PALS2: variants seen among roughly 807,000 people sequenced by gnomAD.
The protein encoded by PALS2 is protein associated with LIN7 2, MAGUK p55 family member, also known as protein PALS2.
Under a neutral mutation model 61.6 loss-of-function variants are expected in PALS2, and 27 were observed. The observed-to-expected ratio is 0.44, with a 90% CI of 0.32 to 0.60. PALS2 has a LOEUF of 0.60. Ranked by LOEUF, PALS2 falls within the 20% of genes least tolerant of loss-of-function variation. The pLI is 0.05. For missense variants in PALS2, 554 were observed against 639.4 expected (o/e 0.87, Z 1.44); for synonymous variants, 236 against 218.6 (o/e 1.08, Z -0.70).
At position 24,691,405 on chromosome 7, in the gene PALS2, G is replaced by GTGTGTGTGTATGTATATA. The variant is rs1274329385; in HGVS notation, c.*3792_*3793insGTGTGTGTATGTATATAT. ...ATATTATGTATGTGTGTGTGTGTGTGTATATATATATATATATATATATAT... is the reference window on the plus strand; with the variant it reads ...ATATTATGTATGTGTGTGTGTGTGTGTGTGTGTGTATGTATATATATATATATATATATATATATATAT... On this transcript the variant is annotated 3_prime_UTR_variant, in exon 12 of 12. Coordinates refer to ENST00000222644, the MANE Select transcript of PALS2 (RefSeq NM_001303037.2). 1 of 110,596 alleles carries GTGTGTGTGTATGTATATA rather than the reference G, an allele frequency of 9.0e-6. No homozygotes were observed. The highest frequency in any genetic ancestry group is 3.1e-5 in the African/African-American group (1 of 32,340). The allele number at this position is 110,596 out of a possible 1,614,324, so 6.9% of individuals were successfully genotyped here.
chr7:24,647,926 G>A (rs1218678371), intron 3 of PALS2, among the ~76,000 whole-genome samples: 1 of 152,158 alleles, frequency 6.6e-6, no homozygotes, highest in Non-Finnish European at 1.5e-5. Context: ...ACTAGAGATA[G>A]AAATTTAAGA....
At chr7:24,586,825 G>T (rs1028910540) in intron 1 of PALS2, among the ~76,000 whole-genome samples, 1 of 152,130 alleles carries the variant, frequency 6.6e-6, no homozygotes, top group Non-Finnish European at 1.5e-5. Flanking sequence ...GACAGTGGTG[G>T]CAGAGGGAAG....
chr7:24,670,323 A>G (rs759455429), intron 9 of PALS2, among the ~76,000 whole-genome samples: 4 of 151,070 alleles, frequency 2.6e-5, no homozygotes, highest in African/African-American at 9.7e-5. Flanking sequence ...TTGTTTATCC[A>G]GTAAGTCAGG....
At position 24,621,859 on chromosome 7, in the gene PALS2, T is replaced by C. The variant is rs549649810; in HGVS notation, c.-2-1807T>C. On this transcript the variant is annotated intron_variant, in intron 1 of 11. Transcript: ENST00000222644. Reference sequence around the variant, plus strand: ...AAAACTAATAAAATTAAGATTATAATATTGAGTGAGGGGAGGGGTCTAGCG... The same window carrying C: ...AAAACTAATAAAATTAAGATTATAACATTGAGTGAGGGGAGGGGTCTAGCG... 2.0e-5 allele frequency among the ~76,000 whole-genome samples: 3 copies of C among 152,146 alleles called. No individual in the cohort carries two copies. In the South Asian group the frequency reaches 6.2e-4, roughly 32 times the overall value.
chr7:24,605,292 G>A (rs1783857126), intron 1 of PALS2, among the ~76,000 whole-genome samples: 1 of 152,082 alleles, frequency 6.6e-6, no homozygotes, highest in South Asian at 2.1e-4. Context: ...ATTTCTTGAA[G>A]ACATGGGAAA....
chr7:24,630,348 G>A (rs1214771828), intron 2 of PALS2, among the ~76,000 whole-genome samples: 1 of 152,118 alleles, frequency 6.6e-6, no homozygotes, highest in Admixed American at 6.6e-5. Context: ...GGAGGCAAGG[G>A]GAGGGGGGAT....
intron 3 of PALS2, 28 bp from the exon 4 acceptor site, chr7:24,649,584 A>G (rs1219852711): frequency 5.3e-6 from 8 of 1,508,418 alleles, no homozygotes; most frequent in Non-Finnish European, 7.1e-6. Context: ...TATCATAAAT[A>G]ACCACAGGCT....
chr7:24,650,566 C>T lies in PALS2; in HGVS notation c.505C>T (p.Leu169Phe), dbSNP rs756280778. The T allele has an allele frequency of 1.2e-6, 2 of 1,613,282 alleles. No individual in the cohort carries two copies. Among genetic ancestry groups the T allele is most frequent in the Admixed American group, 1.7e-5 (1 of 59,976 alleles). ...HGGMIDRQGL[L>F]HVGDIIKEVN... The stretch of plus-strand genomic sequence containing the variant: ...GGGAATGATAGATCGACAAGGTCTA[C>T]TTCATGTGGGAGATATAATTAAAGA... The change falls in exon 5 of 12, where the codon CTT (leucine) becomes TTT (phenylalanine). Residue 169 changes from leucine to phenylalanine, a missense_variant. Coordinates refer to ENST00000222644, the MANE Select transcript of PALS2 (RefSeq NM_001303037.2).
At position 24,693,025 on chromosome 7, in the gene PALS2, G is replaced by C. The variant is rs1176638238; in HGVS notation, c.*5411G>C. The stretch of plus-strand genomic sequence containing the variant: ...GATAATGCAATGGTGTGATAAATTT[G>C]ACTTATCTCCACATACAAAAGTCGA... On this transcript the variant is annotated 3_prime_UTR_variant, in exon 12 of 12. Transcript: ENST00000222644. The C allele has an allele frequency of 6.6e-6, 1 of 152,126 alleles. No individual in the cohort carries two copies. The allele number at this position is 152,126 out of a possible 1,614,324, so 9.4% of individuals were successfully genotyped here.
intron 1 of PALS2, among the ~76,000 whole-genome samples, chr7:24,583,118 CCTG>C (rs1437567814): frequency 1.3e-5 from 2 of 152,068 alleles, no homozygotes; most frequent in African/African-American, 4.8e-5. Flanking sequence ...GTCCTGAACT[CCTG>C]ACCTCGTGAT....
chr7:24,610,881 A>G (rs1216182415), intron 1 of PALS2, among the ~76,000 whole-genome samples: 1 of 152,164 alleles, frequency 6.6e-6, no homozygotes, highest in Admixed American at 6.6e-5. Context: ...ACTGTAAGTT[A>G]TGCAACATGG....
chr7:24,675,380 GT>G (rs75544975), intron 9 of PALS2, among the ~76,000 whole-genome samples: 4,671 of 145,396 alleles, frequency 0.032, 207 homozygotes, highest in East Asian at 0.2. Flanking sequence ...TTTTTTTAAG[GT>G]TTTTTTTTTT....
In PALS2 at chr7:24,673,368, T is replaced by C. The variant is rs117756658; in HGVS notation, c.1114+4708T>C. 4.0e-3 allele frequency among the ~76,000 whole-genome samples: 607 copies of C among 152,308 alleles called. 1 individual carries two copies. Among genetic ancestry groups the C allele is most frequent in the South Asian group, 0.023 (109 of 4,830 alleles). Reference sequence around the variant, plus strand: ...ATATTGGTCTATACATCTCATTACTTGTGATGTCATTGTCTAGCTTTGATA... The same window carrying C: ...ATATTGGTCTATACATCTCATTACTCGTGATGTCATTGTCTAGCTTTGATA... On this transcript the variant is annotated intron_variant, in intron 9 of 11. Coordinates refer to ENST00000222644, the MANE Select transcript of PALS2 (RefSeq NM_001303037.2).
chr7:24,651,875 G>A (rs1418972729), intron 5 of PALS2, among the ~76,000 whole-genome samples: 1 of 152,130 alleles, frequency 6.6e-6, no homozygotes, highest in Non-Finnish European at 1.5e-5. Context: ...TTCATTGAAT[G>A]TCTATTTTAA....
rs145316052 is a variant in PALS2 at position 24,647,464 on chromosome 7, T to G, written c.271-2148T>G. ...ATATCATGCCCAGCCTCATTGATCT[T>G]TTGGAAGGTTTTTTGTGTCTCAGTT... On this transcript the variant is annotated intron_variant, in intron 3 of 11. Transcript: ENST00000222644. Among the ~76,000 whole-genome samples the G allele has an allele frequency of 7.1e-3, 1,085 of 152,318 alleles. 7 individuals carry two copies. The highest frequency in any genetic ancestry group is 0.051 in the Middle Eastern group (15 of 294).
intron 1 of PALS2, among the ~76,000 whole-genome samples, chr7:24,615,393 G>A (rs4501491): frequency 6.6e-6 from 1 of 151,710 alleles, no homozygotes; most frequent in Non-Finnish European, 1.5e-5. Context: ...AATAAAATCA[G>A]AAACAAAACA....
intron 1 of PALS2, among the ~76,000 whole-genome samples, chr7:24,617,291 A>G (rs1380135698): frequency 6.6e-6 from 1 of 151,918 alleles, no homozygotes; most frequent in African/African-American, 2.4e-5. Context: ...CATTTTTCCT[A>G]ATTTTGTTGA....
intron 1 of PALS2, among the ~76,000 whole-genome samples, chr7:24,585,491 A>G (rs987780687): frequency 6.6e-6 from 1 of 150,982 alleles, no homozygotes; most frequent in South Asian, 2.1e-4. Flanking sequence ...GTTTGAGATT[A>G]AAAAAAAATG....
chr7:24,660,832 A>AAAT (rs1786680412), intron 5 of PALS2, among the ~76,000 whole-genome samples: 1 of 152,238 alleles, frequency 6.6e-6, no homozygotes, highest in African/African-American at 2.4e-5. Flanking sequence ...TTCTTCCACA[A>AAAT]GCCTATTAGG....
Sources: gnomAD v4.1 joint callset for allele counts (sites outside exome capture counted in the v4.1 genomes callset) on GRCh38, gnomAD v4.1.1 for gene constraint, MANE v1.5 for transcripts, NCBI Gene and HGNC (gene_info 2026-07-23, HGNC 2026-07-21) for gene names.